The following HS6ST2 variants were observed in gnomAD, a reference collection of about 807,000 sequenced individuals.
HS6ST2 encodes heparan-sulfate 6-O-sulfotransferase 2.
In HS6ST2, 17 loss-of-function variants were observed where a neutral mutation model predicts 33.0. The ratio of observed to expected loss-of-function variants is 0.52; its 90% CI spans 0.35 to 0.77. HS6ST2 has a LOEUF of 0.77. HS6ST2 is among the 30% of genes least tolerant of loss of function. The pLI is 0.01. For synonymous variants in HS6ST2, 248 were observed against 237.1 expected, an observed-to-expected ratio of 1.05 and a Z score of -0.42; for missense variants, 519 against 551.7, an observed-to-expected ratio of 0.94 and a Z score of 0.59.
At chrX:132,675,113 C>T (rs1371764149) in intron 3 of HS6ST2, among the ~76,000 whole-genome samples, 1 of 111,159 alleles carries the variant, frequency 9.0e-6, no homozygotes, top group African/African-American at 3.3e-5. Flanking sequence ...GGAGGGAGAT[C>T]TGGACTAGAG....
chrX:132,898,241 T>C (rs2066395053), intron 2 of HS6ST2, among the ~76,000 whole-genome samples: 1 of 109,658 alleles, frequency 9.1e-6, no homozygotes, highest in African/African-American at 3.3e-5. Context: ...CCAAAATGAT[T>C]GGGGAACACT....
rs776079410 is a variant in HS6ST2, at chrX:132,811,513, T to G, written c.948-103019A>C. Among the ~76,000 whole-genome samples the G allele has an allele frequency of 1.5e-4, 16 of 106,310 alleles. No homozygotes were observed. In the East Asian group the frequency reaches 4.2e-3, roughly 28 times the overall value. The allele number at this position is 106,310 out of a possible 115,157, so 92.3% of individuals were successfully genotyped here. ...TCGCAACCTCTGGCAACCTCTACTC[T>G]CTGGCTCTATGAATATGACTACTCT... is the stretch of plus-strand genomic sequence containing the variant. On this transcript the variant is annotated intron_variant, in intron 2 of 4. Coordinates refer to ENST00000370833, the MANE Select transcript of HS6ST2 (RefSeq NM_001394073.1).
chrX:132,823,653 C>T (rs1166927970), intron 2 of HS6ST2, among the ~76,000 whole-genome samples: 4 of 99,217 alleles, frequency 4.0e-5, no homozygotes, highest in Admixed American at 2.4e-4. Context: ...GTTGGGAGTT[C>T]GAGACCAGCC....
chrX:132,706,098 T>G (rs2064187036), intron 3 of HS6ST2, among the ~76,000 whole-genome samples: 1 of 110,866 alleles, frequency 9.0e-6, no homozygotes, highest in African/African-American at 3.3e-5. Context: ...GCATCATTGA[T>G]TTGGTGGTTG....
At chrX:132,872,638 G>C (rs1043490782) in intron 2 of HS6ST2, among the ~76,000 whole-genome samples, 1 of 111,423 alleles carries the variant, frequency 9.0e-6, no homozygotes, top group African/African-American at 3.3e-5. Flanking sequence ...ACTCTGTAAG[G>C]CTTGCTTATT....
intron 4 of HS6ST2, among the ~76,000 whole-genome samples, chrX:132,634,185 T>G (rs2063538042): frequency 8.9e-6 from 1 of 112,171 alleles, no homozygotes; most frequent in Non-Finnish European, 1.9e-5. Context: ...CCTGTTCCTG[T>G]TGGCAATGCC....
intron 2 of HS6ST2, among the ~76,000 whole-genome samples, chrX:132,740,254 G>A (rs759181179): frequency 2.6e-4 from 29 of 112,631 alleles, no homozygotes; most frequent in African/African-American, 9.0e-4. Context: ...TACAAGTGAA[G>A]TTGATTTTTT....
chrX:132,820,370 G>A (rs1243762463), intron 2 of HS6ST2, among the ~76,000 whole-genome samples: 4 of 111,833 alleles, frequency 3.6e-5, no homozygotes, highest in Admixed American at 9.5e-5. Flanking sequence ...GTTGGGCATC[G>A]CCATAGGTCT....
intron 2 of HS6ST2, among the ~76,000 whole-genome samples, chrX:132,857,465 C>T (rs1442826308): frequency 9.9e-6 from 1 of 100,545 alleles, no homozygotes; most frequent in Admixed American, 1.1e-4. Flanking sequence ...GCCTGGGCGA[C>T]AGAGTGAGAC....
chrX:132,950,057 A>C (rs988021164), intron 2 of HS6ST2, among the ~76,000 whole-genome samples: 1 of 112,025 alleles, frequency 8.9e-6, no homozygotes, highest in Non-Finnish European at 1.9e-5. Flanking sequence ...GTGGATGTTC[A>C]GATTGTTTCC....
intron 4 of HS6ST2, among the ~76,000 whole-genome samples, chrX:132,640,527 A>G (rs1238020011): frequency 9.0e-6 from 1 of 111,442 alleles, no homozygotes; most frequent in African/African-American, 3.3e-5. Context: ...ATAGGTGTTA[A>G]TGCCTTCATT....
At position 132,929,935 on chromosome X, in the gene HS6ST2, G is replaced by A. The variant is rs750266594; in HGVS notation, c.947+26873C>T. Among the ~76,000 whole-genome samples the A allele has an allele frequency of 3.6e-5, 4 of 111,337 alleles. No individual in the cohort carries two copies. The South Asian group carries it at 1.5e-3, about 43-fold the overall frequency. Reference sequence around the variant, plus strand: ...GACTCAAGACCCCTCTTCCCCCAGAGACATCAGGATAAGCAGACGGAGATT... The same window carrying A: ...GACTCAAGACCCCTCTTCCCCCAGAAACATCAGGATAAGCAGACGGAGATT... On this transcript the variant is annotated intron_variant, in intron 2 of 4. Transcript: ENST00000370833.
At chrX:132,709,959 A>G (rs1264405444) in intron 2 of HS6ST2, among the ~76,000 whole-genome samples, 2 of 112,365 alleles carry the variant, frequency 1.8e-5, no homozygotes, top group Non-Finnish European at 3.8e-5. Flanking sequence ...CTGTACTAAC[A>G]GAAATTCTCA....
chrX:132,662,337 A>G (rs1292328131), intron 4 of HS6ST2, among the ~76,000 whole-genome samples: 1 of 112,191 alleles, frequency 8.9e-6, no homozygotes, highest in Admixed American at 9.4e-5. Flanking sequence ...ACTGTTTAAC[A>G]TCACTCTTCC....
rs1423314561 is a variant in HS6ST2, at chrX:132,911,795, G to A, written c.947+45013C>T. Among the ~76,000 whole-genome samples, 11 of 110,480 alleles carry A rather than the reference G, an allele frequency of 1.0e-4. No homozygotes were observed. The South Asian group carries it at 2.0e-3, about 20-fold the overall frequency. Reference sequence around the variant, plus strand: ...TGGGACTACAGGTGCCCGCCACCACGCCTGGCTAATTTTTTGTATTTTTAG... The same window carrying A: ...TGGGACTACAGGTGCCCGCCACCACACCTGGCTAATTTTTTGTATTTTTAG... On this transcript the variant is annotated intron_variant, in intron 2 of 4. Transcript: ENST00000370833.
chrX:132,723,616 T>C (rs2064358736), intron 2 of HS6ST2, among the ~76,000 whole-genome samples: 1 of 111,405 alleles, frequency 9.0e-6, no homozygotes, highest in Non-Finnish European at 1.9e-5. Context: ...CTCATAAAAT[T>C]CAATCTCTCC....
intron 2 of HS6ST2, among the ~76,000 whole-genome samples, chrX:132,895,911 G>A (rs1394999453): frequency 9.0e-6 from 1 of 110,841 alleles, no homozygotes; most frequent in Non-Finnish European, 1.9e-5. Context: ...CTATAGGAGC[G>A]TCACTCCAAT....
intron 2 of HS6ST2, among the ~76,000 whole-genome samples, chrX:132,799,013 T>C (rs2065211401): frequency 8.9e-6 from 1 of 111,933 alleles, no homozygotes; most frequent in African/African-American, 3.2e-5. Flanking sequence ...AATAAGTTAT[T>C]AGAATAGCAT....
At position 132,891,771 on chromosome X, in the gene HS6ST2, A is replaced by T. The variant is rs192891633; in HGVS notation, c.947+65037T>A. ...CGGTGTATATGTGCCACATTTTCTT[A>T]ATCCAGTCTATCATTGTTGGACATT... On this transcript the variant is annotated intron_variant, in intron 2 of 4. Coordinates refer to ENST00000370833, the MANE Select transcript of HS6ST2 (RefSeq NM_001394073.1). Among the ~76,000 whole-genome samples, 376 of 111,706 alleles carry T rather than the reference A, an allele frequency of 3.4e-3. 2 individuals carry two copies. Among genetic ancestry groups the T allele is most frequent in the African/African-American group, 0.011 (347 of 30,792 alleles).
Sources: gnomAD v4.1 joint callset for allele counts (sites outside exome capture counted in the v4.1 genomes callset) on GRCh38, gnomAD v4.1.1 for gene constraint, MANE v1.5 for transcripts, NCBI Gene and HGNC (gene_info 2026-07-23, HGNC 2026-07-21) for gene names.